Variants in DPH6 observed in about 807,000 individuals in gnomAD.
DPH6 encodes diphthine--ammonia ligase.
In DPH6, 33 loss-of-function variants were observed where a neutral mutation model predicts 38.2. That is an observed-to-expected ratio of 0.86 (90% CI 0.65 to 1.15). DPH6 has a LOEUF of 1.15. DPH6 is among the 50% of genes most tolerant of loss of function. The pLI is 0.00. For missense variants in DPH6, 325 were observed against 320.0 expected, an observed-to-expected ratio of 1.02 and a Z score of -0.12; for synonymous variants, 108 against 103.0, an observed-to-expected ratio of 1.05 and a Z score of -0.30.
At chr15:35,206,872 T>G in the DPH6 span, among the ~76,000 whole-genome samples, 1 of 152,062 alleles carries the variant, frequency 6.6e-6, no homozygotes, top group Non-Finnish European at 1.5e-5. Context: ...CCAATACAAA[T>G]GGACTACAAC....
chr15:35,503,671 C>A (rs1416266137), intron 3 of DPH6, among the ~76,000 whole-genome samples: 1 of 152,090 alleles, frequency 6.6e-6, no homozygotes, highest in Non-Finnish European at 1.5e-5. Context: ...CCTGTATCTT[C>A]AATAACTTTT....
chr15:35,187,238 T>C, the DPH6 span, among the ~76,000 whole-genome samples: 1 of 152,232 alleles, frequency 6.6e-6, no homozygotes, highest in African/African-American at 2.4e-5. Flanking sequence ...CAAGTGGGCA[T>C]GATTATCCTC....
intron 3 of DPH6, among the ~76,000 whole-genome samples, chr15:35,291,058 C>T (rs1184942605): frequency 2.0e-5 from 3 of 151,888 alleles, no homozygotes; most frequent in African/African-American, 7.3e-5. Flanking sequence ...AGGAGCATTA[C>T]AGAAAAATCA....
At chr15:35,289,335 A>C (rs1381100447) in intron 3 of DPH6, among the ~76,000 whole-genome samples, 1 of 152,224 alleles carries the variant, frequency 6.6e-6, no homozygotes, top group African/African-American at 2.4e-5. Context: ...GGCATAATTT[A>C]CTTATAACAT....
chr15:35,491,947 A>G (rs2054488590), intron 3 of DPH6, among the ~76,000 whole-genome samples: 1 of 151,992 alleles, frequency 6.6e-6, no homozygotes, highest in African/African-American at 2.4e-5. Flanking sequence ...ACAGAGAGAG[A>G]GAGGAAGAGA....
At chr15:35,460,177 G>A (rs187674126) in intron 3 of DPH6, among the ~76,000 whole-genome samples, 3 of 152,188 alleles carry the variant, frequency 2.0e-5, no homozygotes, top group African/African-American at 7.2e-5. Flanking sequence ...ATAAACATCT[G>A]AAGGAAAGAC....
At chr15:35,463,759 G>A (rs1374944728) in intron 3 of DPH6, among the ~76,000 whole-genome samples, 1 of 151,956 alleles carries the variant, frequency 6.6e-6, no homozygotes. Context: ...CTTAATTAGA[G>A]GGAAATGATA....
intron 6 of DPH6, among the ~76,000 whole-genome samples, chr15:35,403,188 T>C (rs2053244641): frequency 6.6e-6 from 1 of 152,132 alleles, no homozygotes; most frequent in African/African-American, 2.4e-5. Context: ...AATATGTGGA[T>C]CATGTACACC....
the DPH6 span, among the ~76,000 whole-genome samples, chr15:35,183,339 T>TAC: frequency 6.6e-6 from 1 of 152,226 alleles, no homozygotes; most frequent in Non-Finnish European, 1.5e-5. Context: ...GAGTTAGTTC[T>TAC]ACAGCACAAT....
At chr15:35,400,856 G>T (rs2053208056) in intron 6 of DPH6, 3 of 806,152 alleles carry the variant, frequency 3.7e-6, no homozygotes, top group Admixed American at 1.7e-5. Flanking sequence ...CATTCCAGGG[G>T]CTTTGGGTTT....
At chr15:35,262,439 G>A (rs1267412746) in intron 3 of DPH6, among the ~76,000 whole-genome samples, 3 of 152,026 alleles carry the variant, frequency 2.0e-5, no homozygotes, top group Non-Finnish European at 4.4e-5. Flanking sequence ...GGGTGCAGTG[G>A]CTCACGCCTG....
chr15:35,298,745 C>A, intron 3 of DPH6: 1 of 1,545,142 alleles, frequency 6.5e-7, no homozygotes, highest in Middle Eastern at 1.9e-4. Flanking sequence ...CGCCACCGTG[C>A]CCCCCAAGTT....
chr15:35,394,114 T>G (rs1172997272), intron 6 of DPH6, among the ~76,000 whole-genome samples: 1 of 152,192 alleles, frequency 6.6e-6, no homozygotes, highest in Non-Finnish European at 1.5e-5. Flanking sequence ...TAAATATCCC[T>G]CACTGTTTTA....
At chr15:35,162,932 C>T in the DPH6 span, among the ~76,000 whole-genome samples, 3 of 151,966 alleles carry the variant, frequency 2.0e-5, no homozygotes, top group Admixed American at 2.0e-4. Flanking sequence ...GCAAATTGGT[C>T]ACAACACGCA....
chr15:35,297,991 C>T (rs1357777862), intron 3 of DPH6, among the ~76,000 whole-genome samples: 1 of 152,138 alleles, frequency 6.6e-6, no homozygotes, highest in Admixed American at 6.5e-5. Flanking sequence ...AAATCCACTG[C>T]TCTTTATCTT....
intron 3 of DPH6, among the ~76,000 whole-genome samples, chr15:35,274,637 A>C (rs150229102): frequency 5.1e-4 from 77 of 152,350 alleles, no homozygotes; most frequent in African/African-American, 1.8e-3. Flanking sequence ...AAACATATGA[A>C]AGAAAGCTCA....
chr15:35,542,217 T>C (rs1218429510), intron 2 of DPH6, among the ~76,000 whole-genome samples, 196 bp downstream of exon 2: 3 of 152,136 alleles, frequency 2.0e-5, no homozygotes, highest in African/African-American at 4.8e-5. Context: ...TGCATCTCTA[T>C]AGAAGTTGGT....
intron 3 of DPH6, among the ~76,000 whole-genome samples, chr15:35,341,081 C>CT (rs1362811239): frequency 6.6e-6 from 1 of 151,912 alleles, no homozygotes; most frequent in Non-Finnish European, 1.5e-5. Context: ...CCTTTTTATT[C>CT]TTTTTTCTCT....
intron 3 of DPH6, among the ~76,000 whole-genome samples, chr15:35,495,304 A>C (rs1246383272): frequency 6.6e-6 from 1 of 152,192 alleles, no homozygotes; most frequent in Non-Finnish European, 1.5e-5. Context: ...CGCAGATACA[A>C]AGGAACACTG....
Sources: gnomAD v4.1 joint callset for allele counts (sites outside exome capture counted in the v4.1 genomes callset) on GRCh38, gnomAD v4.1.1 for gene constraint, MANE v1.5 for transcripts, NCBI Gene and HGNC (gene_info 2026-07-23, HGNC 2026-07-21) for gene names.